The following NRG3 variants were observed in gnomAD, a reference collection of about 807,000 sequenced individuals.
NRG3 encodes the protein neuregulin 3.
In NRG3, 31 loss-of-function variants were observed where a neutral mutation model predicts 66.9. The ratio of observed to expected loss-of-function variants is 0.46; its 90% CI spans 0.35 to 0.63. The LOEUF is 0.63. NRG3 is among the 20% of genes least tolerant of loss of function. The pLI is 0.00. For missense variants in NRG3, 910 were observed against 878.9 expected, an observed-to-expected ratio of 1.04 and a Z score of -0.45; for synonymous variants, 393 against 359.4, an observed-to-expected ratio of 1.09 and a Z score of -1.06.
chr10:82,314,461 TA>T (rs972282595), intron 1 of NRG3, among the ~76,000 whole-genome samples: 17 of 149,680 alleles, frequency 1.1e-4, no homozygotes, highest in Admixed American at 5.3e-4. Context: ...ATTTAAAATT[TA>T]AAAAAAAAAT....
chr10:82,942,267 T>A (rs1302591096), intron 4 of NRG3, among the ~76,000 whole-genome samples: 2 of 152,210 alleles, frequency 1.3e-5, no homozygotes, highest in African/African-American at 4.8e-5. Flanking sequence ...CATACAGAGA[T>A]CTCTCTGGGG....
intron 1 of NRG3, among the ~76,000 whole-genome samples, chr10:82,318,521 C>T (rs116649490): frequency 0.022 from 3,425 of 152,230 alleles, 46 homozygotes; most frequent in African/African-American, 0.04. Flanking sequence ...TCTTCAGGAC[C>T]CTTCTCGTTT....
chr10:82,968,284 G>A (rs1191144682), intron 6 of NRG3, among the ~76,000 whole-genome samples: 6 of 152,010 alleles, frequency 3.9e-5, no homozygotes, highest in Admixed American at 2.0e-4. Context: ...AGCAACCTCC[G>A]GATAGGAATA....
At chr10:82,600,184 C>T (rs1458171658) in intron 2 of NRG3, among the ~76,000 whole-genome samples, 1 of 152,038 alleles carries the variant, frequency 6.6e-6, no homozygotes, top group Non-Finnish European at 1.5e-5. Context: ...GTGCCTTTGC[C>T]TGTTTCAATA....
At chr10:82,534,362 T>G (rs1326604530) in intron 2 of NRG3, among the ~76,000 whole-genome samples, 2 of 152,056 alleles carry the variant, frequency 1.3e-5, no homozygotes, top group African/African-American at 4.8e-5. Flanking sequence ...GCTCCCGGGT[T>G]GAAGCTATTC....
chr10:82,529,737 A>G (rs2132631098), intron 2 of NRG3, among the ~76,000 whole-genome samples: 1 of 152,280 alleles, frequency 6.6e-6, no homozygotes, highest in South Asian at 2.1e-4. Context: ...TGCTAAAGAA[A>G]CACCAGCATC....
At chr10:82,699,564 A>G (rs1285314960) in intron 2 of NRG3, among the ~76,000 whole-genome samples, 1 of 151,654 alleles carries the variant, frequency 6.6e-6, no homozygotes, top group Non-Finnish European at 1.5e-5. Context: ...TTTTTTTTAT[A>G]CTTGAAAATG....
At chr10:82,805,079 C>T (rs1294880520) in intron 3 of NRG3, among the ~76,000 whole-genome samples, 1 of 152,198 alleles carries the variant, frequency 6.6e-6, no homozygotes, top group East Asian at 1.9e-4. Flanking sequence ...GCACACAAAT[C>T]CCCTGATGAA....
At chr10:82,303,142 A>C (rs2080503853) in intron 1 of NRG3, among the ~76,000 whole-genome samples, 2 of 152,196 alleles carry the variant, frequency 1.3e-5, no homozygotes, top group Admixed American at 1.3e-4. Flanking sequence ...CACTCAAGTA[A>C]GATAAACTTT....
At chr10:82,324,767 G>T (rs1431834491) in intron 1 of NRG3, among the ~76,000 whole-genome samples, 1 of 152,158 alleles carries the variant, frequency 6.6e-6, no homozygotes, top group Non-Finnish European at 1.5e-5. Context: ...TGTGTTCAGA[G>T]CACATGCATT....
chr10:81,952,904 T>A (rs1849508944), intron 1 of NRG3, among the ~76,000 whole-genome samples: 1 of 152,112 alleles, frequency 6.6e-6, no homozygotes, highest in Non-Finnish European at 1.5e-5. Context: ...CTCAATCCTG[T>A]TTAACTGACC....
intron 2 of NRG3, among the ~76,000 whole-genome samples, chr10:82,696,303 A>G (rs977039892): frequency 2.0e-5 from 3 of 152,076 alleles, no homozygotes; most frequent in Admixed American, 2.0e-4. Context: ...CTATTATACC[A>G]TTCATTGACA....
chr10:82,581,480 T>C (rs945067236), intron 2 of NRG3, among the ~76,000 whole-genome samples: 5 of 152,038 alleles, frequency 3.3e-5, no homozygotes, highest in Non-Finnish European at 7.4e-5. Flanking sequence ...CACCAATTTT[T>C]TTCTTTCATA....
intron 2 of NRG3, among the ~76,000 whole-genome samples, chr10:82,672,287 A>G (rs559746366): frequency 2.6e-5 from 4 of 152,186 alleles, no homozygotes; most frequent in Non-Finnish European, 5.9e-5. Flanking sequence ...AGGACAGGCC[A>G]TGTGGCCAGA....
chr10:81,921,422 A>G (rs1846242402), intron 1 of NRG3, among the ~76,000 whole-genome samples: 1 of 152,092 alleles, frequency 6.6e-6, no homozygotes, highest in Non-Finnish European at 1.5e-5. Context: ...TTTGCTTCAC[A>G]TAGTCTGTCT....
intron 3 of NRG3, among the ~76,000 whole-genome samples, chr10:82,781,652 C>T (rs2060121979): frequency 6.6e-6 from 1 of 151,910 alleles, no homozygotes; most frequent in Non-Finnish European, 1.5e-5. Context: ...ATATGTAGAC[C>T]CTAACACATC....
Position 82,035,044 on chromosome 10 carries a change from G to C in NRG3, c.823+158881G>C, listed in dbSNP as rs1359817873. Among the ~76,000 whole-genome samples, 4 of 152,226 alleles carry C rather than the reference G, an allele frequency of 2.6e-5. No individual in the cohort carries two copies. The East Asian group carries it at 7.8e-4, about 30-fold the overall frequency. ...TCCGTGCTGTTCATGGTTCTGAATA[G>C]AGTTGGCGCATATATAGTGGGTTTG... On this transcript the variant is annotated intron_variant, in intron 1 of 8. Transcript: ENST00000372141.
chr10:81,891,381 C>T (rs917835014), intron 1 of NRG3, among the ~76,000 whole-genome samples: 3 of 152,116 alleles, frequency 2.0e-5, no homozygotes, highest in Non-Finnish European at 4.4e-5. Flanking sequence ...GGCAATATGG[C>T]GCACTTTAAG....
chr10:82,326,984 A>C (rs903187488), intron 1 of NRG3, among the ~76,000 whole-genome samples: 4 of 152,230 alleles, frequency 2.6e-5, no homozygotes, highest in Non-Finnish European at 5.9e-5. Context: ...CTTAATTAGT[A>C]AAGGCTAGTA....
Sources: allele counts gnomAD v4.1 joint callset (sites outside exome capture counted in the v4.1 genomes callset), GRCh38; gene constraint gnomAD v4.1.1; transcripts MANE v1.5; gene names NCBI Gene and HGNC (gene_info 2026-07-23, HGNC 2026-07-21).